Variants in DCLK1 observed in about 807,000 individuals in gnomAD.
DCLK1 encodes doublecortin like kinase 1.
DCLK1 carries 16 observed loss-of-function variants against 86.2 expected under a neutral mutation model. The observed-to-expected ratio is 0.19, with a 90% CI of 0.13 to 0.28. The LOEUF (loss-of-function observed/expected upper bound fraction) is 0.28. Ranked by LOEUF, DCLK1 falls within the 10% of genes least tolerant of loss-of-function variation. DCLK1 has a pLI of 1.00. For missense variants in DCLK1, 590 were observed against 940.2 expected, an observed-to-expected ratio of 0.63 and a Z score of 4.87; for synonymous variants, 369 against 370.5, an observed-to-expected ratio of 1.00 and a Z score of 0.05.
intron 4 of DCLK1, among the ~76,000 whole-genome samples, chr13:35,902,758 G>T (rs1370129094): frequency 6.6e-6 from 1 of 152,020 alleles, no homozygotes; most frequent in Non-Finnish European, 1.5e-5. Context: ...ACACAGGCAG[G>T]GCCTCCTAAC....
intron 3 of DCLK1, among the ~76,000 whole-genome samples, chr13:35,952,499 A>T (rs1158256351): frequency 1.3e-5 from 2 of 152,214 alleles, no homozygotes; most frequent in Non-Finnish European, 2.9e-5. Context: ...CTGATATAAC[A>T]AATGTGCTAA....
intron 3 of DCLK1, among the ~76,000 whole-genome samples, chr13:36,065,300 T>C (rs1427020637): frequency 6.6e-6 from 1 of 152,194 alleles, no homozygotes; most frequent in Non-Finnish European, 1.5e-5. Flanking sequence ...AGACATGATG[T>C]TAAACATGTG....
intron 4 of DCLK1, among the ~76,000 whole-genome samples, chr13:35,917,179 C>G (rs1401978484): frequency 6.6e-6 from 1 of 152,130 alleles, no homozygotes; most frequent in Non-Finnish European, 1.5e-5. Flanking sequence ...TTCTATGGGT[C>G]GTTGTTTCCT....
chr13:35,918,892 G>GTTTTTTTT lies in DCLK1; in HGVS notation c.823+28458_823+28465dup, dbSNP rs749567335. Among the ~76,000 whole-genome samples, 35 of 76,310 alleles carry GTTTTTTTT rather than the reference G, an allele frequency of 4.6e-4. 3 individuals are homozygous for GTTTTTTTT. The highest frequency in any genetic ancestry group is 1.7e-3 in the Admixed American group (7 of 4,228). The allele number at this position is 76,310 out of a possible 152,430, so 50.1% of individuals were successfully genotyped here. On this transcript the variant is annotated intron_variant, in intron 4 of 16. Coordinates refer to ENST00000360631, the MANE Select transcript of DCLK1 (RefSeq NM_001330071.2). ...AAAAAGAAATCTTCCTTCTGAGTGT[G>GTTTTTTTT]TTTTTTTTTTTTTTTTTGGAAACGG...
intron 3 of DCLK1, among the ~76,000 whole-genome samples, chr13:36,004,265 C>G (rs1208062231): frequency 1.3e-5 from 2 of 152,096 alleles, no homozygotes; most frequent in Non-Finnish European, 2.9e-5. Flanking sequence ...AAAAATGGAG[C>G]TCCTAGCACA....
intron 3 of DCLK1, among the ~76,000 whole-genome samples, chr13:36,100,881 G>T (rs7994174): frequency 2.6e-5 from 4 of 152,068 alleles, no homozygotes; most frequent in African/African-American, 9.7e-5. Flanking sequence ...TCTGCAGTAC[G>T]TAAGACTGTT....
chr13:35,858,744 T>A (rs1264898813), intron 5 of DCLK1, among the ~76,000 whole-genome samples: 4 of 152,224 alleles, frequency 2.6e-5, no homozygotes, highest in Non-Finnish European at 4.4e-5. Context: ...CTGGGCTCAG[T>A]GCTTCTATTT....
chr13:36,049,861 A>G (rs1347476527), intron 3 of DCLK1, among the ~76,000 whole-genome samples: 1 of 152,224 alleles, frequency 6.6e-6, no homozygotes, highest in Non-Finnish European at 1.5e-5. Flanking sequence ...TTATGTTAAA[A>G]TCATTCAATA....
intron 3 of DCLK1, among the ~76,000 whole-genome samples, chr13:36,030,556 C>T (rs1320764270): frequency 6.6e-6 from 1 of 151,548 alleles, no homozygotes; most frequent in East Asian, 1.9e-4. Flanking sequence ...ATCTACCCAC[C>T]TCAGCCTACC....
intron 4 of DCLK1, among the ~76,000 whole-genome samples, chr13:35,886,554 T>C (rs1036417275): frequency 6.6e-6 from 1 of 152,182 alleles, no homozygotes; most frequent in Admixed American, 6.5e-5. Context: ...GTGCCACATG[T>C]GAGATCCACC....
chr13:35,778,032 A>G (rs2086455914), intron 16 of DCLK1, among the ~76,000 whole-genome samples: 1 of 152,244 alleles, frequency 6.6e-6, no homozygotes, highest in African/African-American at 2.4e-5. Context: ...TTCACAGCAC[A>G]CAGTAGATAT....
chr13:35,882,402 T>C (rs1872968029), intron 4 of DCLK1, among the ~76,000 whole-genome samples: 2 of 152,238 alleles, frequency 1.3e-5, no homozygotes, highest in African/African-American at 4.8e-5. Context: ...CATTTACACA[T>C]TGAAACCTTT....
intron 3 of DCLK1, among the ~76,000 whole-genome samples, chr13:36,108,871 C>G (rs1885506613): frequency 6.6e-6 from 1 of 152,150 alleles, no homozygotes. Flanking sequence ...CCCGATGCCA[C>G]CACAGGCAGG....
chr13:35,921,874 G>A (rs571722372), intron 4 of DCLK1, among the ~76,000 whole-genome samples: 2 of 152,304 alleles, frequency 1.3e-5, no homozygotes, highest in African/African-American at 4.8e-5. Context: ...GCCACCCCAG[G>A]AGCTGGGAGG....
At chr13:35,919,759 G>A (rs898342371) in intron 4 of DCLK1, among the ~76,000 whole-genome samples, 1 of 151,852 alleles carries the variant, frequency 6.6e-6, no homozygotes, top group African/African-American at 2.4e-5. Flanking sequence ...CCAGGAGTTT[G>A]AGATTAGCCT....
intron 3 of DCLK1, among the ~76,000 whole-genome samples, chr13:36,038,566 C>T (rs1426303057): frequency 6.6e-6 from 1 of 152,176 alleles, no homozygotes; most frequent in African/African-American, 2.4e-5. Flanking sequence ...GAGGCTTTTC[C>T]AGTACATGTT....
chr13:35,800,099 A>C (rs555301125), intron 15 of DCLK1, among the ~76,000 whole-genome samples: 166 of 152,362 alleles, frequency 1.1e-3, no homozygotes, highest in African/African-American at 4.0e-3. Context: ...GGGGGATGAC[A>C]GTCTTTCTTC....
chr13:35,795,768 A>T (rs2086795332), intron 15 of DCLK1, among the ~76,000 whole-genome samples: 1 of 152,068 alleles, frequency 6.6e-6, no homozygotes, highest in African/African-American at 2.4e-5. Flanking sequence ...TAAAAATACA[A>T]AATTAGCTGG....
At chr13:35,860,925 T>A (rs1379251650) in intron 5 of DCLK1, among the ~76,000 whole-genome samples, 1 of 151,806 alleles carries the variant, frequency 6.6e-6, no homozygotes, top group Non-Finnish European at 1.5e-5. Flanking sequence ...CTAGGCCAAG[T>A]GAGAGGAATA....
Sources: gnomAD v4.1 joint callset for allele counts (sites outside exome capture counted in the v4.1 genomes callset) on GRCh38, gnomAD v4.1.1 for gene constraint, MANE v1.5 for transcripts, NCBI Gene and HGNC (gene_info 2026-07-23, HGNC 2026-07-21) for gene names.